Variants in EML5 observed in about 807,000 individuals in gnomAD.
EML5 encodes EMAP like 5.
In EML5, 120 loss-of-function variants were observed where a neutral mutation model predicts 250.0. That is an observed-to-expected ratio of 0.48 (90% CI 0.41 to 0.56). The LOEUF is 0.56. EML5 is among the 20% of genes least tolerant of loss of function. The pLI is 0.00. For synonymous variants in EML5, 771 were observed against 806.5 expected (o/e 0.96, Z 0.75); for missense variants, 2,006 against 2,437.6 (o/e 0.82, Z 3.73).
intron 1 of EML5, among the ~76,000 whole-genome samples, chr14:88,788,562 T>A (rs1339825511): frequency 6.6e-6 from 1 of 151,946 alleles, no homozygotes; most frequent in Non-Finnish European, 1.5e-5. Flanking sequence ...TACTCTAAAT[T>A]CTATACCTAC....
rs778046635 is a variant in EML5 at position 88,712,494 on chromosome 14, A to G, written c.1445-11T>C. 1.3e-6 allele frequency: 2 copies of G among 1,594,898 alleles called. No individual in the cohort carries two copies. The highest frequency in any genetic ancestry group is 1.3e-5 in the African/African-American group (1 of 74,594). ...TCACTTCCTTTCCTCCTAAAAATAA[A>G]TCAGAGTCTTAATTTAAAAAGTTAT... On this transcript the variant is annotated splice_polypyrimidine_tract_variant and intron_variant, in intron 9 of 43. Coordinates refer to ENST00000554922, the MANE Select transcript of EML5 (RefSeq NM_183387.3).
chr14:88,616,794 T>C lies in EML5; in HGVS notation c.5728A>G (p.Ile1910Val), dbSNP rs948410074. The change falls in exon 42 of 44, where the codon ATC becomes GTC. Residue 1910 changes from isoleucine to valine, a missense_variant. Physicochemically the swap from Ile to Val is conservative, Grantham distance 29 (BLOSUM62 3). This residue lies in a region of EML5 where 405 missense variants were observed against 523.3 expected (regional missense o/e 0.77). Coordinates refer to ENST00000554922, the MANE Select transcript of EML5 (RefSeq NM_183387.3). ...VNCACVSHSG[I>V]SLVTGDDFGM... The stretch of plus-strand genomic sequence containing the variant: ...AAGTCATCTCCTGTAACAAGACTGA[T>C]TCCTGAATGAGATACACAGGCACAG... 1.9e-6 allele frequency: 3 copies of C among 1,613,848 alleles called. No homozygotes were observed. The highest frequency in any genetic ancestry group is 2.5e-6 in the Non-Finnish European group (3 of 1,179,868).
chr14:88,732,125 C>T (rs1319862075), intron 7 of EML5, among the ~76,000 whole-genome samples: 1 of 152,156 alleles, frequency 6.6e-6, no homozygotes, highest in African/African-American at 2.4e-5. Context: ...GTGTTTTAGA[C>T]GTGAAGTCCT....
At chr14:88,622,549 G>A (rs1027892743) in intron 37 of EML5, 55 bp downstream of exon 37, 5 of 1,382,374 alleles carry the variant, frequency 3.6e-6, no homozygotes, top group African/African-American at 1.5e-5. Flanking sequence ...GGGAATCACA[G>A]TAATAACCAC....
At chr14:88,652,375 CA>C (rs1046821166) in intron 27 of EML5, among the ~76,000 whole-genome samples, 12 of 152,128 alleles carry the variant, frequency 7.9e-5, no homozygotes, top group African/African-American at 2.4e-4. Flanking sequence ...AGTCAATTTA[CA>C]AGATCTCTCA....
Position 88,663,023 on chromosome 14 carries a change from T to A in EML5, c.3498+8A>T. ...TGAACAACACTGCAAGCACCACTGT[T>A]GTCCTACCTCCACGCTGGGGATGGT... On this transcript the variant is annotated splice_region_variant and intron_variant, in intron 24 of 43. Coordinates refer to ENST00000554922, the MANE Select transcript of EML5 (RefSeq NM_183387.3). The A allele has an allele frequency of 1.3e-6, 2 of 1,546,582 alleles. No individual in the cohort carries two copies. Among genetic ancestry groups the A allele is most frequent in the South Asian group, 2.4e-5 (2 of 83,062 alleles).
At chr14:88,704,269 C>T (rs1395730321) in intron 13 of EML5, among the ~76,000 whole-genome samples, 1 of 152,058 alleles carries the variant, frequency 6.6e-6, no homozygotes, top group African/African-American at 2.4e-5. Context: ...TCCCTTTTTC[C>T]TTGCTCTCTC....
intron 8 of EML5, among the ~76,000 whole-genome samples, chr14:88,725,896 G>A (rs2093659214): frequency 6.6e-6 from 1 of 152,172 alleles, no homozygotes; most frequent in African/African-American, 2.4e-5. Flanking sequence ...AGGCAAAAGA[G>A]AGAACTGTGT....
intron 36 of EML5, chr14:88,624,622 A>G (rs2089631297): frequency 4.8e-6 from 1 of 209,458 alleles, no homozygotes; most frequent in Admixed American, 5.4e-5. Flanking sequence ...ACAAAAAGAG[A>G]GCAGGCAGTC....
intron 33 of EML5, among the ~76,000 whole-genome samples, chr14:88,632,825 A>G (rs1165256165): frequency 1.3e-5 from 2 of 152,214 alleles, no homozygotes; most frequent in Admixed American, 1.3e-4. Context: ...CCAACCCCCA[A>G]TAAAAACTCT....
intron 36 of EML5, 44 bp from the exon 37 acceptor site, chr14:88,622,762 C>T: frequency 7.3e-7 from 1 of 1,370,868 alleles, no homozygotes; most frequent in Non-Finnish European, 9.9e-7. Context: ...TTATTGGCTA[C>T]TATAATTTTT....
At chr14:88,633,518 G>A (rs2140497273) in intron 33 of EML5, among the ~76,000 whole-genome samples, 1 of 152,220 alleles carries the variant, frequency 6.6e-6, no homozygotes, top group South Asian at 2.1e-4. Flanking sequence ...TTGACATGAT[G>A]GAGATTTACT....
chr14:88,756,851 A>G (rs1445532990), intron 1 of EML5, among the ~76,000 whole-genome samples: 1 of 144,652 alleles, frequency 6.9e-6, no homozygotes, highest in Non-Finnish European at 1.5e-5. Flanking sequence ...ATGGAAAGAC[A>G]TCTCATTTCT....
At chr14:88,704,401 C>T (rs2093276897) in intron 13 of EML5, among the ~76,000 whole-genome samples, 1 of 152,130 alleles carries the variant, frequency 6.6e-6, no homozygotes, top group Admixed American at 6.5e-5. Flanking sequence ...GAACACTGAG[C>T]CAAATAAACC....
intron 21 of EML5, 38 bp downstream of exon 21, chr14:88,681,852 G>A (rs1034937959): frequency 2.1e-5 from 33 of 1,552,306 alleles, no homozygotes; most frequent in Non-Finnish European, 2.8e-5. Context: ...AGAAAACTGT[G>A]AGAGCTTAAT....
chr14:88,765,360 C>T (rs2094306947), intron 1 of EML5, among the ~76,000 whole-genome samples: 1 of 152,128 alleles, frequency 6.6e-6, no homozygotes, highest in Admixed American at 6.6e-5. Context: ...GGGACTGAGG[C>T]TTTCACTCCC....
intron 8 of EML5, among the ~76,000 whole-genome samples, chr14:88,725,447 G>A (rs1316805351): frequency 6.6e-6 from 1 of 152,156 alleles, no homozygotes; most frequent in Non-Finnish European, 1.5e-5. Flanking sequence ...TAGTTAAAGA[G>A]TACGAAGTTT....
At chr14:88,627,400 A>G (rs981834675) in intron 34 of EML5, 1 of 492,746 alleles carries the variant, frequency 2.0e-6, no homozygotes, top group African/African-American at 1.9e-5. Flanking sequence ...TTGCTGGAAG[A>G]AAATAGCAGT....
chr14:88,746,077 A>G (rs1566741682), intron 3 of EML5, 108 bp downstream of exon 3: 3 of 816,294 alleles, frequency 3.7e-6, no homozygotes, highest in South Asian at 3.6e-5. Flanking sequence ...TTTTAATTAC[A>G]TATGACCTAT....
Sources: allele counts gnomAD v4.1 joint callset (sites outside exome capture counted in the v4.1 genomes callset), GRCh38; gene constraint gnomAD v4.1.1; regional missense constraint gnomAD v4.1.1; transcripts MANE v1.5; gene names NCBI Gene and HGNC (gene_info 2026-07-23, HGNC 2026-07-21).